The following MACF1 variants were observed in gnomAD, a reference collection of about 807,000 sequenced individuals.
MACF1 encodes microtubule-actin cross-linking factor 1.
MACF1 carries 193 observed loss-of-function variants against 854.8 expected under a neutral mutation model. The observed-to-expected ratio is 0.23, with a 90% CI of 0.20 to 0.25. The LOEUF is 0.25. MACF1 is among the 10% of genes least tolerant of loss of function. MACF1 has a pLI of 1.00. For synonymous variants in MACF1, 3,185 were observed against 3,226.7 expected, an observed-to-expected ratio of 0.99 and a Z score of 0.44; for missense variants, 7,722 against 8,929.1, an observed-to-expected ratio of 0.86 and a Z score of 5.45.
Position 39,379,240 on chromosome 1 carries a change from C to T in MACF1, c.13314C>T (p.Asn4438=), listed in dbSNP as rs1487728050. Residue 4438 remains asparagine (N), a synonymous_variant, in exon 54 of 101, where the codon AAC becomes AAT. Coordinates refer to ENST00000564288, the MANE Select transcript of MACF1 (RefSeq NM_001394062.1). ...TCCAGTGTGACATGTCAGATGTAAA[C>T]TTGAAGTATGAGAAACTAGGGGGAG... ...TEIQCDMSDV[N]LKYEKLGGVL... The T allele has an allele frequency of 9.3e-6, 15 of 1,609,864 alleles. No homozygotes were observed. Among genetic ancestry groups the T allele is most frequent in the Non-Finnish European group, 1.3e-5 (15 of 1,178,296 alleles).
intron 58 of MACF1, chr1:39,411,831 C>G: frequency 6.2e-7 from 1 of 1,613,704 alleles, no homozygotes; most frequent in Non-Finnish European, 8.5e-7. Flanking sequence ...AGCATTTAGG[C>G]CTTTTACATG....
At chr1:39,218,662 C>T (rs191525602) in intron 1 of MACF1, among the ~76,000 whole-genome samples, 171 of 152,220 alleles carry the variant, frequency 1.1e-3, no homozygotes, top group African/African-American at 3.9e-3. Flanking sequence ...CTTTTGTTAC[C>T]GTGCTTACCC....
At chr1:39,446,447 G>C (rs1360685505) in intron 80 of MACF1, among the ~76,000 whole-genome samples, 2 of 151,238 alleles carry the variant, frequency 1.3e-5, no homozygotes, top group Non-Finnish European at 1.5e-5. Flanking sequence ...TTTTCCACCT[G>C]ATTTGTTTAG....
intron 2 of MACF1, among the ~76,000 whole-genome samples, chr1:39,247,254 G>T (rs1644992619): frequency 6.6e-6 from 1 of 151,562 alleles, no homozygotes; most frequent in African/African-American, 2.4e-5. Flanking sequence ...TGTATTTTTA[G>T]TAGAGACGGG....
chr1:39,263,922 C>T (rs1235918814), intron 6 of MACF1, among the ~76,000 whole-genome samples: 8 of 151,638 alleles, frequency 5.3e-5, no homozygotes, highest in Admixed American at 3.9e-4. Context: ...TACAGGCGCC[C>T]GCCACCACAC....
rs763791710 is a variant in MACF1 at position 39,287,506 on chromosome 1, G to A, written c.1729G>A (p.Asp577Asn). Residue 577 changes from aspartate (D) to asparagine (N), a missense_variant, in exon 15 of 101, where the codon GAT becomes AAT. Coordinates refer to ENST00000564288, the MANE Select transcript of MACF1 (RefSeq NM_001394062.1). ...AELVAISSSE[D>N]EGNLRFVYEL... ...ACTTGTGGCCATCAGCTCCTCTGAA[G>A]ATGAAGGCAATCTCCGATTTGTGTA... 1.6e-5 allele frequency: 26 copies of A among 1,614,232 alleles called. No homozygotes were observed. The Admixed American group carries it at 4.3e-4, about 27-fold the overall frequency.
At chr1:39,259,758 G>T (rs1571230953) in intron 6 of MACF1, among the ~76,000 whole-genome samples, 2 of 152,098 alleles carry the variant, frequency 1.3e-5, no homozygotes, top group South Asian at 4.2e-4. Flanking sequence ...GAGTAACTGG[G>T]ATTACTGGCA....
chr1:39,477,514 C>T (rs1476740753), intron 97 of MACF1, among the ~76,000 whole-genome samples: 2 of 152,152 alleles, frequency 1.3e-5, no homozygotes, highest in Non-Finnish European at 2.9e-5. Flanking sequence ...TGAGACACCA[C>T]ACCCAGCCAT....
intron 2 of MACF1, among the ~76,000 whole-genome samples, chr1:39,138,291 G>C (rs1643234873): frequency 6.6e-6 from 1 of 151,798 alleles, no homozygotes; most frequent in Non-Finnish European, 1.5e-5. Flanking sequence ...CTTGAAAAAT[G>C]GCTGGTGGTA....
intron 2 of MACF1, among the ~76,000 whole-genome samples, chr1:39,114,823 A>G (rs1352954564): frequency 6.6e-6 from 1 of 152,208 alleles, no homozygotes; most frequent in Non-Finnish European, 1.5e-5. Flanking sequence ...AGGAGTACCC[A>G]GTATAGCCAG....
chr1:39,417,238 T>C (rs1209074955), intron 58 of MACF1, among the ~76,000 whole-genome samples: 1 of 152,218 alleles, frequency 6.6e-6, no homozygotes, highest in Admixed American at 6.5e-5. Context: ...ACTCGTTTGC[T>C]TTTTCTGTAA....
chr1:39,463,973 G>A, intron 94 of MACF1: 1 of 305,368 alleles, frequency 3.3e-6, no homozygotes, highest in Non-Finnish European at 6.5e-6. Context: ...AGGTACCTTT[G>A]GAAACAATTA....
At chr1:39,382,292 G>A in intron 56 of MACF1, 140 bp downstream of exon 56, 2 of 735,428 alleles carry the variant, frequency 2.7e-6, no homozygotes, top group African/African-American at 1.8e-5. Context: ...TTTATAAGGT[G>A]TTAATCATGG....
chr1:39,269,556 G>C (rs1645276978), intron 6 of MACF1: 1 of 1,289,694 alleles, frequency 7.8e-7, no homozygotes, highest in South Asian at 1.2e-5. Flanking sequence ...TGGTGTGACT[G>C]TGAGCATTTT....
At chr1:39,213,438 TCTC>T (rs1244595007) in intron 1 of MACF1, among the ~76,000 whole-genome samples, 2 of 152,176 alleles carry the variant, frequency 1.3e-5, no homozygotes, top group Non-Finnish European at 2.9e-5. Flanking sequence ...TTCAAGCAGT[TCTC>T]CTGCCTCAGC....
At chr1:39,475,013 G>A (rs953367782) in intron 97 of MACF1, among the ~76,000 whole-genome samples, 2 of 152,234 alleles carry the variant, frequency 1.3e-5, no homozygotes, top group East Asian at 3.9e-4. Flanking sequence ...GACTCTGGAC[G>A]GGTCAGCAGG....
intron 23 of MACF1, among the ~76,000 whole-genome samples, chr1:39,307,922 T>TTTTA (rs59109449): frequency 1.1e-5 from 1 of 90,442 alleles, no homozygotes; most frequent in African/African-American, 3.9e-5. Context: ...TTTTTTTTTT[T>TTTTA]GAGATGGAGT....
intron 95 of MACF1, chr1:39,468,143 C>T (rs577862486): frequency 1.2e-4 from 19 of 155,132 alleles, no homozygotes; most frequent in African/African-American, 4.6e-4. Context: ...GTATTCCCAG[C>T]CCTTTGGGAG....
chr1:39,410,663 G>T, intron 58 of MACF1: 1 of 1,613,854 alleles, frequency 6.2e-7, no homozygotes. Flanking sequence ...AGGAGATCGT[G>T]GAAGTCCTTC....
Sources: allele counts gnomAD v4.1 joint callset (sites outside exome capture counted in the v4.1 genomes callset), GRCh38; gene constraint gnomAD v4.1.1; transcripts MANE v1.5; gene names NCBI Gene and HGNC (gene_info 2026-07-23, HGNC 2026-07-21).